The following HMGN5 variants were observed in gnomAD, a reference collection of about 807,000 sequenced individuals.
HMGN5 encodes high mobility group nucleosome binding domain 5.
Under a neutral mutation model 9.5 loss-of-function variants are expected in HMGN5, and 4 were observed. The observed-to-expected ratio is 0.42, with a 90% CI of 0.21 to 0.96. The LOEUF (loss-of-function observed/expected upper bound fraction) is 0.96, where lower values mean the gene tolerates loss of function less well. Ranked by LOEUF, HMGN5 falls within the 40% of genes least tolerant of loss-of-function variation. HMGN5 has a pLI of 0.30. For missense variants in HMGN5, 192 were observed against 187.5 expected (o/e 1.02, Z -0.14); for synonymous variants, 55 against 57.1 (o/e 0.96, Z 0.16).
chrX:81,144,034 G>A (rs1339429376), intron 1 of HMGN5, among the ~76,000 whole-genome samples: 2 of 111,625 alleles, frequency 1.8e-5, no homozygotes, highest in East Asian at 5.7e-4. Context: ...TTCTCCTTGG[G>A]ACAGAGCACT....
intron 1 of HMGN5, among the ~76,000 whole-genome samples, chrX:81,164,059 G>C (rs1456715262): frequency 8.9e-6 from 1 of 111,814 alleles, no homozygotes. Context: ...TGCAAAAGCA[G>C]ATAGATGCCC....
At chrX:81,158,950 A>T (rs945917124) in intron 1 of HMGN5, among the ~76,000 whole-genome samples, 8 of 111,796 alleles carry the variant, frequency 7.2e-5, no homozygotes, top group Admixed American at 4.8e-4. Flanking sequence ...TCACTGCAGC[A>T]CTATTCACAA....
chrX:81,171,551 A>G (rs888026705), intron 1 of HMGN5, among the ~76,000 whole-genome samples: 1 of 111,687 alleles, frequency 9.0e-6, no homozygotes, highest in Non-Finnish European at 1.9e-5. Context: ...ATGTTTATGA[A>G]TAAGAGCCAA....
chrX:81,157,929 G>A lies in HMGN5; in HGVS notation c.-123-36257C>T, dbSNP rs1261933948. 8.2e-5 allele frequency among the ~76,000 whole-genome samples: 9 copies of A among 109,856 alleles called. No homozygotes were observed. In the South Asian group the frequency reaches 2.8e-3, roughly 34 times the overall value. ...CAAGTAGCTGAGACTACAGGTGCCC[G>A]CCACCATGCCCGGCTACTTTTTTTG... is the stretch of plus-strand genomic sequence containing the variant. On this transcript the variant is annotated intron_variant, in intron 1 of 6. Transcript: ENST00000358130.
At chrX:81,152,164 A>G (rs893568305) in intron 1 of HMGN5, among the ~76,000 whole-genome samples, 1 of 111,960 alleles carries the variant, frequency 8.9e-6, no homozygotes, top group Non-Finnish European at 1.9e-5. Context: ...TAAACTAAAG[A>G]GCTTCTGCAC....
At chrX:81,137,482 A>G (rs1250087852) in intron 1 of HMGN5, among the ~76,000 whole-genome samples, 1 of 111,819 alleles carries the variant, frequency 8.9e-6, no homozygotes, top group Non-Finnish European at 1.9e-5. Flanking sequence ...ATAGCCCATC[A>G]GTCAAAGAGA....
chrX:81,178,532 G>C (rs1054033524), intron 1 of HMGN5, among the ~76,000 whole-genome samples: 2 of 111,521 alleles, frequency 1.8e-5, no homozygotes, highest in African/African-American at 3.3e-5. Flanking sequence ...TCTCTGAATA[G>C]ACCAAAAACA....
intron 1 of HMGN5, among the ~76,000 whole-genome samples, chrX:81,162,954 T>A (rs2075401644): frequency 9.0e-6 from 1 of 111,576 alleles, no homozygotes; most frequent in Admixed American, 9.5e-5. Context: ...AACATGTGAC[T>A]TCGACATTTC....
rs759649623 is a variant in HMGN5 at position 81,182,179 on chromosome X, G to A, written c.-124+19558C>T. Among the ~76,000 whole-genome samples the A allele has an allele frequency of 1.1e-4, 12 of 111,796 alleles. No homozygotes were observed. In the South Asian group the frequency reaches 3.0e-3, roughly 28 times the overall value. Reference sequence around the variant, plus strand: ...TGATATATCATTGCGGTTTTGATACGCATTTCTCTGATGAGCAATGATGTT... The same window carrying A: ...TGATATATCATTGCGGTTTTGATACACATTTCTCTGATGAGCAATGATGTT... On this transcript the variant is annotated intron_variant, in intron 1 of 6. Coordinates refer to ENST00000358130, the MANE Select transcript of HMGN5 (RefSeq NM_030763.3).
At chrX:81,129,632 C>A (rs2075293488) in intron 1 of HMGN5, among the ~76,000 whole-genome samples, 3 of 111,600 alleles carry the variant, frequency 2.7e-5, no homozygotes, top group Admixed American at 1.9e-4. Flanking sequence ...ATTTACACTT[C>A]TCTTTATAAA....
intron 1 of HMGN5, among the ~76,000 whole-genome samples, chrX:81,177,409 CAATCCTAGT>C (rs1308757717): frequency 1.3e-5 from 1 of 76,705 alleles, no homozygotes; most frequent in South Asian, 8.4e-4. Flanking sequence ...GAAGTGGTTG[CAATCCTAGT>C]CTCTGTTAAA....
chrX:81,197,564 G>A (rs927248000), intron 1 of HMGN5: 1 of 111,406 alleles, frequency 9.0e-6, no homozygotes, highest in African/African-American at 3.3e-5. Context: ...CAAGAGGAAA[G>A]TGAGGAATTA....
At chrX:81,194,645 G>T (rs773785010) in intron 1 of HMGN5, among the ~76,000 whole-genome samples, 2 of 111,659 alleles carry the variant, frequency 1.8e-5, no homozygotes, top group African/African-American at 6.5e-5. Flanking sequence ...TACCATTCTT[G>T]GATTATGACA....
rs1167198224 is a variant in HMGN5, at chrX:81,114,620, A to T, written c.*29T>A. The T allele has an allele frequency of 4.2e-5, 45 of 1,066,913 alleles. No homozygotes were observed. Among genetic ancestry groups the T allele is most frequent in the Non-Finnish European group, 5.3e-5 (44 of 825,437 alleles). The allele number at this position is 1,066,913 out of a possible 1,213,427, so 87.9% of individuals were successfully genotyped here. A position where few individuals can be genotyped will look rare whatever the true frequency, so the allele number is the denominator to read the frequency against. On this transcript the variant is annotated 3_prime_UTR_variant, in exon 7 of 7. Transcript: ENST00000358130. ...ACTTTACAACATGAAGGTACATGTT[A>T]CCAAATTATGAAACTACATAGGGCA...
At chrX:81,154,595 A>C (rs1179898919) in intron 1 of HMGN5, among the ~76,000 whole-genome samples, 1 of 111,382 alleles carries the variant, frequency 9.0e-6, no homozygotes, top group Non-Finnish European at 1.9e-5. Context: ...AGAATTGGAG[A>C]AAATATTTGC....
chrX:81,146,100 G>T (rs2075342863), intron 1 of HMGN5, among the ~76,000 whole-genome samples: 1 of 111,085 alleles, frequency 9.0e-6, no homozygotes, highest in African/African-American at 3.3e-5. Context: ...CAATGAGACA[G>T]AAATTAACAA....
Position 81,152,381 on chromosome X carries a change from A to G in HMGN5, c.-123-30709T>C, listed in dbSNP as rs202088641. On this transcript the variant is annotated intron_variant, in intron 1 of 6. Coordinates refer to ENST00000358130, the MANE Select transcript of HMGN5 (RefSeq NM_030763.3). ...AAAGAGGACATTTATGCAGCCAAAAAACACATGAAAAAATGCTCACCATCA... is the reference window on the plus strand; with the variant it reads ...AAAGAGGACATTTATGCAGCCAAAAGACACATGAAAAAATGCTCACCATCA... 1.9e-4 allele frequency among the ~76,000 whole-genome samples: 21 copies of G among 111,984 alleles called. No individual in the cohort carries two copies. In the East Asian group the frequency reaches 5.9e-3, roughly 31 times the overall value.
chrX:81,189,576 G>C (rs1463154219), intron 1 of HMGN5, among the ~76,000 whole-genome samples: 4 of 111,868 alleles, frequency 3.6e-5, no homozygotes, highest in Admixed American at 1.9e-4. Context: ...CTTCTTTTCA[G>C]TATCTAATAA....
At chrX:81,118,317 T>C (rs2075259869) in intron 5 of HMGN5, 115 bp downstream of exon 5, 1 of 426,420 alleles carries the variant, frequency 2.3e-6, no homozygotes, top group African/African-American at 2.6e-5. Flanking sequence ...GAATATAATA[T>C]ATTACTAACT....
Sources: gnomAD v4.1 joint callset for allele counts (sites outside exome capture counted in the v4.1 genomes callset) on GRCh38, gnomAD v4.1.1 for gene constraint, MANE v1.5 for transcripts, NCBI Gene and HGNC (gene_info 2026-07-23, HGNC 2026-07-21) for gene names.